Variants in THSD7B observed in about 807,000 individuals in gnomAD.
THSD7B encodes thrombospondin type-1 domain-containing protein 7B.
A neutral mutation model predicts 213.6 loss-of-function variants in THSD7B; 138 were observed. The ratio of observed to expected loss-of-function variants is 0.65; its 90% CI spans 0.56 to 0.74. The LOEUF (loss-of-function observed/expected upper bound fraction) is 0.74, where lower values mean the gene tolerates loss of function less well. THSD7B is among the 30% of genes least tolerant of loss of function. THSD7B has a pLI of 0.00. For synonymous variants in THSD7B, 742 were observed against 687.0 expected, an observed-to-expected ratio of 1.08 and a Z score of -1.25; for missense variants, 1,931 against 1,991.5, an observed-to-expected ratio of 0.97 and a Z score of 0.58.
intron 14 of THSD7B, among the ~76,000 whole-genome samples, chr2:137,438,471 G>A (rs543707565): frequency 2.0e-5 from 3 of 152,064 alleles, no homozygotes; most frequent in Non-Finnish European, 2.9e-5. Flanking sequence ...CAGCTGTACT[G>A]TCTCTGTCAC....
chr2:137,542,049 A>G (rs1013104530), intron 15 of THSD7B, among the ~76,000 whole-genome samples: 6 of 151,718 alleles, frequency 4.0e-5, no homozygotes, highest in Non-Finnish European at 7.4e-5. Context: ...TTATTTAAAG[A>G]AATAAAACCT....
At chr2:137,646,226 G>A (rs528130812) in intron 21 of THSD7B, among the ~76,000 whole-genome samples, 11 of 152,282 alleles carry the variant, frequency 7.2e-5, no homozygotes, top group East Asian at 1.9e-4. Context: ...ATAAGGGCAC[G>A]AGGGCTCCGC....
chr2:136,781,524 G>T (rs183793334), intron 1 of THSD7B, among the ~76,000 whole-genome samples: 568 of 151,506 alleles, frequency 3.7e-3, no homozygotes, highest in Non-Finnish European at 4.4e-3. Context: ...TGCCCTTCTC[G>T]GCCTCCCAAA....
intron 2 of THSD7B, among the ~76,000 whole-genome samples, chr2:136,916,258 C>T (rs1684346461): frequency 6.6e-6 from 1 of 152,166 alleles, no homozygotes; most frequent in Non-Finnish European, 1.5e-5. Flanking sequence ...GTTGTAAGAG[C>T]ATATACTAAC....
intron 5 of THSD7B, among the ~76,000 whole-genome samples, chr2:137,150,587 G>C (rs970856397): frequency 1.3e-5 from 2 of 152,086 alleles, no homozygotes. Context: ...GTTTCCTGAG[G>C]CCTCCCCAGC....
chr2:137,620,606 C>T lies in THSD7B; in HGVS notation c.3682-3C>T, dbSNP rs998673715. 9 of 1,607,520 alleles carry T rather than the reference C, an allele frequency of 5.6e-6. No homozygotes were observed. Among genetic ancestry groups the T allele is most frequent in the Non-Finnish European group, 2.6e-6 (3 of 1,174,776 alleles). On this transcript the variant is annotated splice_region_variant and splice_polypyrimidine_tract_variant and intron_variant, in intron 19 of 27. Transcript: ENST00000409968. ...TAAAGTTGTGTTTCATTTCCATTTG[C>T]AGCATAATTTGGAGAAGCCCCAGAG...
At chr2:137,079,943 G>T (rs934335971) in intron 3 of THSD7B, among the ~76,000 whole-genome samples, 2 of 151,472 alleles carry the variant, frequency 1.3e-5, no homozygotes, top group Non-Finnish European at 2.9e-5. Flanking sequence ...GGATTCAGGC[G>T]ATTCTCTTAC....
intron 2 of THSD7B, among the ~76,000 whole-genome samples, chr2:136,896,531 A>G (rs570401131): frequency 5.1e-4 from 78 of 152,230 alleles, no homozygotes; most frequent in African/African-American, 1.8e-3. Flanking sequence ...TTTGAAGTGC[A>G]AAAGTTTTGT....
intron 1 of THSD7B, among the ~76,000 whole-genome samples, chr2:136,837,538 A>C (rs1432738478): frequency 6.6e-6 from 1 of 152,032 alleles, no homozygotes; most frequent in Admixed American, 6.6e-5. Context: ...CAACTCTGCC[A>C]CTCTCTATTC....
intron 1 of THSD7B, among the ~76,000 whole-genome samples, chr2:136,859,857 A>G (rs930551889): frequency 6.6e-6 from 1 of 152,166 alleles, no homozygotes; most frequent in African/African-American, 2.4e-5. Flanking sequence ...CTGAACTACA[A>G]TGGAATGAGC....
chr2:136,976,111 A>G (rs1056941875), intron 2 of THSD7B, among the ~76,000 whole-genome samples: 1 of 152,216 alleles, frequency 6.6e-6, no homozygotes, highest in Non-Finnish European at 1.5e-5. Flanking sequence ...ATAAAAGATC[A>G]TGTCATCTGC....
chr2:137,515,935 A>G (rs535959882), intron 15 of THSD7B, among the ~76,000 whole-genome samples: 14 of 152,316 alleles, frequency 9.2e-5, no homozygotes, highest in Middle Eastern at 3.4e-3. Flanking sequence ...TAGATTTGTG[A>G]TGGCAGCACC....
At chr2:137,418,635 A>G (rs1258386559) in intron 14 of THSD7B, among the ~76,000 whole-genome samples, 1 of 152,112 alleles carries the variant, frequency 6.6e-6, no homozygotes, top group African/African-American at 2.4e-5. Flanking sequence ...TGAAAACCAG[A>G]TTTTATTTTT....
intron 24 of THSD7B, among the ~76,000 whole-genome samples, chr2:137,658,714 G>A (rs1268099789): frequency 6.6e-6 from 1 of 152,090 alleles, no homozygotes; most frequent in Non-Finnish European, 1.5e-5. Context: ...ATTTCTGTGT[G>A]GATTCTTTGT....
chr2:137,275,856 A>G (rs1260237986), intron 11 of THSD7B, 67 bp from the exon 12 acceptor site: 13 of 1,193,738 alleles, frequency 1.1e-5, no homozygotes, highest in Non-Finnish European at 1.2e-5. Flanking sequence ...CTTCAAACAT[A>G]TGTAAGTATT....
chr2:137,147,212 C>T (rs1172389501), intron 5 of THSD7B, among the ~76,000 whole-genome samples: 3 of 152,056 alleles, frequency 2.0e-5, no homozygotes, highest in African/African-American at 4.8e-5. Context: ...TACATGAATG[C>T]ACATGGGAAG....
At chr2:137,390,277 A>AT (rs1228026060) in intron 12 of THSD7B, among the ~76,000 whole-genome samples, 9 of 151,696 alleles carry the variant, frequency 5.9e-5, no homozygotes, top group African/African-American at 1.9e-4. Context: ...GGTTAAATTT[A>AT]TTTTTAGATT....
intron 15 of THSD7B, among the ~76,000 whole-genome samples, chr2:137,557,161 G>C (rs1680989915): frequency 6.6e-6 from 1 of 152,122 alleles, no homozygotes; most frequent in African/African-American, 2.4e-5. Context: ...GGGATATCCA[G>C]GAATTGAACT....
chr2:137,073,070 T>G (rs1370746052), intron 3 of THSD7B, among the ~76,000 whole-genome samples: 4 of 152,138 alleles, frequency 2.6e-5, no homozygotes. Flanking sequence ...ATTCTCTTTT[T>G]TTGTTGTGTC....
Sources: gnomAD v4.1 joint callset for allele counts (sites outside exome capture counted in the v4.1 genomes callset) on GRCh38, gnomAD v4.1.1 for gene constraint, MANE v1.5 for transcripts, NCBI Gene and HGNC (gene_info 2026-07-23, HGNC 2026-07-21) for gene names.